The following MCC variants were observed in gnomAD, a reference collection of about 807,000 sequenced individuals.
MCC encodes the protein colorectal mutant cancer protein.
A neutral mutation model predicts 116.2 loss-of-function variants in MCC; 90 were observed. The ratio of observed to expected loss-of-function variants is 0.77; its 90% CI spans 0.65 to 0.92. The LOEUF is 0.92. MCC is among the 40% of genes least tolerant of loss of function. MCC has a pLI of 0.00. For missense variants in MCC, 1,516 were observed against 1,312.2 expected, an observed-to-expected ratio of 1.16 and a Z score of -2.40; for synonymous variants, 578 against 510.5, an observed-to-expected ratio of 1.13 and a Z score of -1.78.
At chr5:113,256,357 A>G (rs1765003332) in intron 3 of MCC, among the ~76,000 whole-genome samples, 1 of 152,232 alleles carries the variant, frequency 6.6e-6, no homozygotes, top group Non-Finnish European at 1.5e-5. Context: ...TATGCCAGAA[A>G]AAAGAAAATA....
chr5:113,360,770 T>A (rs950918386), intron 2 of MCC, among the ~76,000 whole-genome samples: 5 of 152,226 alleles, frequency 3.3e-5, no homozygotes, highest in Admixed American at 3.3e-4. Context: ...TATAGCAGTC[T>A]CCTTTTTACT....
chr5:113,238,265 A>AT (rs1190158814), intron 3 of MCC, among the ~76,000 whole-genome samples: 1 of 151,944 alleles, frequency 6.6e-6, no homozygotes, highest in Non-Finnish European at 1.5e-5. Context: ...ATTTGGAAAC[A>AT]TTTTTTCCTG....
intron 3 of MCC, among the ~76,000 whole-genome samples, chr5:113,297,464 G>T (rs939707381): frequency 6.6e-6 from 1 of 152,106 alleles, no homozygotes; most frequent in African/African-American, 2.4e-5. Context: ...TACTCGGGAG[G>T]CTGAGAAGGA....
At chr5:113,380,441 T>C (rs961904634) in intron 2 of MCC, among the ~76,000 whole-genome samples, 30 of 152,256 alleles carry the variant, frequency 2.0e-4, no homozygotes, top group African/African-American at 7.2e-4. Context: ...AGTTATTTAG[T>C]GTCTGGAACT....
At chr5:113,474,383 G>A (rs911573128) in intron 1 of MCC, among the ~76,000 whole-genome samples, 5 of 152,194 alleles carry the variant, frequency 3.3e-5, no homozygotes, top group Non-Finnish European at 7.3e-5. Context: ...AGGTAAGGGC[G>A]AGAGAAAGGC....
chr5:113,379,101 A>C (rs1205255860), intron 2 of MCC, among the ~76,000 whole-genome samples: 3 of 152,258 alleles, frequency 2.0e-5, no homozygotes, highest in African/African-American at 7.2e-5. Flanking sequence ...CCCTGCCTCA[A>C]GTCCCTGAGG....
chr5:113,333,854 CATATATGTATAT>C (rs1265195854), intron 3 of MCC, among the ~76,000 whole-genome samples: 4 of 95,262 alleles, frequency 4.2e-5, no homozygotes, highest in African/African-American at 1.5e-4. Flanking sequence ...TATATATGTA[CATATATGTATAT>C]ATGTATTCAC....
chr5:113,300,332 C>T (rs1406834070), intron 3 of MCC, among the ~76,000 whole-genome samples: 1 of 152,178 alleles, frequency 6.6e-6, no homozygotes, highest in Non-Finnish European at 1.5e-5. Flanking sequence ...GCCTGTCCTC[C>T]AGCCCACAAG....
rs768360506 is a variant in MCC at position 113,101,923 on chromosome 5, A to AC, written c.1213dup (p.Val405GlyfsTer12). The stretch of plus-strand genomic sequence containing the variant: ...GTTGGGATACAGGTCCCGGCCAAGC[A>AC]CCCCCTCAATCTCCTCGACTGTCTG... On this transcript the variant is annotated frameshift_variant, in exon 8 of 19. Coordinates refer to ENST00000408903, the MANE Select transcript of MCC (RefSeq NM_001085377.2). LOFTEE classifies it high-confidence loss of function. 1 of 1,613,754 alleles carries AC rather than the reference A, an allele frequency of 6.2e-7. No homozygotes were observed.
chr5:113,470,092 G>A (rs1772039798), intron 1 of MCC, among the ~76,000 whole-genome samples: 1 of 151,928 alleles, frequency 6.6e-6, no homozygotes, highest in South Asian at 2.1e-4. Flanking sequence ...CATGAGATGG[G>A]TTTCCTGAAT....
At position 113,165,774 on chromosome 5, in the gene MCC, G is replaced by C. The variant is rs1195672465; in HGVS notation, c.628-14352C>G. Among the ~76,000 whole-genome samples the C allele has an allele frequency of 2.0e-5, 3 of 152,148 alleles. No individual in the cohort carries two copies. The South Asian group carries it at 6.2e-4, about 32-fold the overall frequency. ...TAACCACCCAAAAAATCCATATTAG[G>C]TTCCAGACCTAATGGTAATAGAAAC... On this transcript the variant is annotated intron_variant, in intron 3 of 18. Coordinates refer to ENST00000408903, the MANE Select transcript of MCC (RefSeq NM_001085377.2).
chr5:113,488,344 CTGCCGCT>C lies in MCC; in HGVS notation c.64_70del (p.Ser22AlafsTer38), dbSNP rs750923814. The C allele has an allele frequency of 1.7e-5, 26 of 1,515,608 alleles. 1 individual carries two copies. Among genetic ancestry groups the C allele is most frequent in the Middle Eastern group, 3.5e-4 (2 of 5,784 alleles). The allele number at this position is 1,515,608 out of a possible 1,614,324, so 93.9% of individuals were successfully genotyped here. ...GGACGTGTCGCTGCTGCTGCTGCTG[CTGCCGCT>C]GCCGCCGCCGCCGCCGCCGCTGCTG... On this transcript the variant is annotated frameshift_variant, in exon 1 of 19. Coordinates refer to ENST00000408903, the MANE Select transcript of MCC (RefSeq NM_001085377.2). LOFTEE classifies it high-confidence loss of function.
intron 3 of MCC, among the ~76,000 whole-genome samples, chr5:113,189,604 T>A (rs994221953): frequency 6.6e-6 from 1 of 152,154 alleles, no homozygotes; most frequent in African/African-American, 2.4e-5. Context: ...CTTACCCCTT[T>A]ATAGTCACAC....
intron 1 of MCC, among the ~76,000 whole-genome samples, chr5:113,431,768 G>GGC (rs1554083117): frequency 4.4e-5 from 6 of 136,850 alleles, no homozygotes; most frequent in Non-Finnish European, 9.6e-5. Flanking sequence ...GGCCAAGGGG[G>GGC]GGGGGGGGTG....
chr5:113,414,651 A>G lies in MCC; in HGVS notation c.171-29439T>C, dbSNP rs574578861. Among the ~76,000 whole-genome samples the G allele has an allele frequency of 2.9e-4, 44 of 152,048 alleles. 1 individual carries two copies. Among genetic ancestry groups the G allele is most frequent in the African/African-American group, 9.4e-4 (39 of 41,478 alleles). ...TCCTCCATCCCTTTATTTTGAGCCT[A>G]TGTGTGTCTCCGCACATGAGATGGG... On this transcript the variant is annotated intron_variant, in intron 1 of 18. Coordinates refer to ENST00000408903, the MANE Select transcript of MCC (RefSeq NM_001085377.2).
At chr5:113,213,654 G>A (rs987118155) in intron 3 of MCC, among the ~76,000 whole-genome samples, 1 of 152,186 alleles carries the variant, frequency 6.6e-6, no homozygotes, top group African/African-American at 2.4e-5. Flanking sequence ...GGCAAGCTCA[G>A]GGCTCTTTTC....
intron 3 of MCC, among the ~76,000 whole-genome samples, chr5:113,270,273 A>G (rs1327101262): frequency 2.0e-5 from 3 of 152,182 alleles, no homozygotes; most frequent in Non-Finnish European, 4.4e-5. Flanking sequence ...ACGGCTGTTC[A>G]TCTTTAGGTC....
chr5:113,488,217 G>C (rs373449161), intron 1 of MCC, 28 bp downstream of exon 1: 7 of 1,580,788 alleles, frequency 4.4e-6, no homozygotes, highest in Non-Finnish European at 6.0e-6. Context: ...TCTCGCTCCT[G>C]TCGGTTTCCT....
At chr5:113,183,868 C>T (rs1012793019) in intron 3 of MCC, among the ~76,000 whole-genome samples, 5 of 152,122 alleles carry the variant, frequency 3.3e-5, no homozygotes, top group Non-Finnish European at 7.4e-5. Flanking sequence ...CCCATTAGCC[C>T]TTTCCACATG....
Sources: gnomAD v4.1 joint callset for allele counts (sites outside exome capture counted in the v4.1 genomes callset) on GRCh38, gnomAD v4.1.1 for gene constraint, MANE v1.5 for transcripts, NCBI Gene and HGNC (gene_info 2026-07-23, HGNC 2026-07-21) for gene names.